Variants in PPM1H observed in about 807,000 individuals in gnomAD.
PPM1H encodes the protein protein phosphatase, Mg2+/Mn2+ dependent 1H.
A neutral mutation model predicts 54.9 loss-of-function variants in PPM1H; 27 were observed. The observed-to-expected ratio is 0.49, with a 90% CI of 0.36 to 0.68. The LOEUF (loss-of-function observed/expected upper bound fraction) is 0.68. Among genes scored for constraint, PPM1H ranks in the 30% least tolerant of loss-of-function variants. The pLI is 0.00. For missense variants in PPM1H, 596 were observed against 667.8 expected, an observed-to-expected ratio of 0.89 and a Z score of 1.19; for synonymous variants, 305 against 270.8, an observed-to-expected ratio of 1.13 and a Z score of -1.24.
intron 4 of PPM1H, among the ~76,000 whole-genome samples, chr12:62,754,286 T>A (rs1032594939): frequency 2.6e-5 from 4 of 152,118 alleles, no homozygotes; most frequent in African/African-American, 9.7e-5. Context: ...TTGATAAGAT[T>A]CTAGAGTAGG....
intron 9 of PPM1H, among the ~76,000 whole-genome samples, chr12:62,655,211 T>C (rs1477488496): frequency 6.6e-6 from 1 of 152,166 alleles, no homozygotes; most frequent in Non-Finnish European, 1.5e-5. Flanking sequence ...GACTCAGCTC[T>C]TGGGAGAAGG....
chr12:62,687,775 G>A (rs1458247869), intron 8 of PPM1H, among the ~76,000 whole-genome samples: 2 of 152,192 alleles, frequency 1.3e-5, no homozygotes, highest in East Asian at 1.9e-4. Context: ...TTGGGAGGCC[G>A]AGGCAGGTGG....
chr12:62,796,832 C>T (rs2076737195), intron 3 of PPM1H, among the ~76,000 whole-genome samples: 1 of 152,146 alleles, frequency 6.6e-6, no homozygotes, highest in Non-Finnish European at 1.5e-5. Context: ...ATTTTATTCA[C>T]ATTAATACAC....
At chr12:62,809,835 CTCTCT>C (rs1443821268) in intron 2 of PPM1H, among the ~76,000 whole-genome samples, 2 of 152,136 alleles carry the variant, frequency 1.3e-5, no homozygotes, top group Admixed American at 6.5e-5. Context: ...CTCTCATTTC[CTCTCT>C]TCTAACTCTC....
intron 5 of PPM1H, among the ~76,000 whole-genome samples, chr12:62,731,928 C>G (rs776762417): frequency 5.9e-5 from 9 of 152,250 alleles, no homozygotes; most frequent in African/African-American, 2.2e-4. Context: ...GCCACAGTAT[C>G]AGAACAGTAA....
chr12:62,821,111 A>G (rs1414953925), intron 2 of PPM1H, among the ~76,000 whole-genome samples: 1 of 152,232 alleles, frequency 6.6e-6, no homozygotes, highest in Non-Finnish European at 1.5e-5. Flanking sequence ...TGGCAAGAGA[A>G]CTACGTAACG....
intron 9 of PPM1H, among the ~76,000 whole-genome samples, chr12:62,657,213 G>C (rs894796969): frequency 6.6e-6 from 1 of 152,148 alleles, no homozygotes; most frequent in African/African-American, 2.4e-5. Flanking sequence ...CGCCCTGCCA[G>C]GCCTCATCCA....
intron 1 of PPM1H, among the ~76,000 whole-genome samples, chr12:62,882,027 T>C (rs1023046974): frequency 6.6e-6 from 1 of 152,270 alleles, no homozygotes; most frequent in African/African-American, 2.4e-5. Context: ...CCAAGAAACA[T>C]GCCAAATAAT....
chr12:62,696,378 G>T (rs1161473080), intron 6 of PPM1H, among the ~76,000 whole-genome samples: 1 of 152,138 alleles, frequency 6.6e-6, no homozygotes, highest in African/African-American at 2.4e-5. Context: ...GGAAAAGGAA[G>T]GTTTATTCTG....
At chr12:62,886,401 C>T (rs186857149) in intron 1 of PPM1H, among the ~76,000 whole-genome samples, 4 of 152,242 alleles carry the variant, frequency 2.6e-5, no homozygotes, top group Non-Finnish European at 1.5e-5. Flanking sequence ...TGTGTACAAT[C>T]TCATATAACT....
intron 8 of PPM1H, among the ~76,000 whole-genome samples, chr12:62,669,873 A>C (rs1167206776): frequency 6.9e-6 from 1 of 145,368 alleles, no homozygotes; most frequent in Non-Finnish European, 1.5e-5. Flanking sequence ...CAGGATTTTG[A>C]GGCTGTGGTG....
chr12:62,767,888 C>A (rs77461059), intron 4 of PPM1H, among the ~76,000 whole-genome samples: 3,833 of 152,232 alleles, frequency 0.025, 145 homozygotes, highest in African/African-American at 0.088. Flanking sequence ...CCATTTCCTC[C>A]ATTTTAACTG....
intron 3 of PPM1H, among the ~76,000 whole-genome samples, chr12:62,798,943 C>A (rs1391250547): frequency 6.6e-6 from 1 of 152,178 alleles, no homozygotes; most frequent in Non-Finnish European, 1.5e-5. Flanking sequence ...CTGCATCACC[C>A]TGTATTTCCC....
Position 62,710,537 on chromosome 12 carries a change from TA to T in PPM1H, c.1073+9633del, listed in dbSNP as rs35445574. ...ACAGAGTGGAGTGAGACTGTCTCTT[TA>T]AAAAAAAAAAAAAAAAAGTCCCCAA... is the stretch of plus-strand genomic sequence containing the variant. On this transcript the variant is annotated intron_variant, in intron 6 of 9. Transcript: ENST00000228705. Among the ~76,000 whole-genome samples, 535 of 130,192 alleles carry T rather than the reference TA, an allele frequency of 4.1e-3. 1 individual carries two copies. The highest frequency in any genetic ancestry group is 5.1e-3 in the African/African-American group (177 of 34,594). 85.4% of individuals were successfully genotyped at this position (130,192 alleles called of 152,430 possible). A position where few individuals can be genotyped will look rare whatever the true frequency, so the allele number is the denominator to read the frequency against.
chr12:62,896,553 C>T (rs1870995409), intron 1 of PPM1H, among the ~76,000 whole-genome samples: 1 of 152,180 alleles, frequency 6.6e-6, no homozygotes, highest in South Asian at 2.1e-4. Flanking sequence ...CAGTGAGGTA[C>T]CATCTCACAC....
chr12:62,853,037 G>T (rs1424140454), intron 1 of PPM1H, among the ~76,000 whole-genome samples: 2 of 151,990 alleles, frequency 1.3e-5, no homozygotes, highest in African/African-American at 4.8e-5. Flanking sequence ...TTCTTCAAAA[G>T]GTCAACCTTA....
intron 4 of PPM1H, among the ~76,000 whole-genome samples, chr12:62,777,231 T>C (rs1315065553): frequency 6.6e-6 from 1 of 152,234 alleles, no homozygotes; most frequent in Non-Finnish European, 1.5e-5. Context: ...ATTACAAATG[T>C]GTGCCTTTAA....
chr12:62,755,893 T>C, intron 4 of PPM1H: 1 of 783,164 alleles, frequency 1.3e-6, no homozygotes, highest in South Asian at 1.4e-5. Context: ...AGGTCATCCC[T>C]GAGCTAAATG....
At chr12:62,667,032 A>G in intron 9 of PPM1H, 146 bp downstream of exon 9, 1 of 910,480 alleles carries the variant, frequency 1.1e-6, no homozygotes, top group Non-Finnish European at 1.6e-6. Context: ...TCTTACAAGA[A>G]AGGTAATCCC....
Sources: gnomAD v4.1 joint callset for allele counts (sites outside exome capture counted in the v4.1 genomes callset) on GRCh38, gnomAD v4.1.1 for gene constraint, MANE v1.5 for transcripts, NCBI Gene and HGNC (gene_info 2026-07-23, HGNC 2026-07-21) for gene names.